Variants in SYDE2 observed in about 807,000 individuals in gnomAD.
The protein encoded by SYDE2 is rho GTPase-activating protein SYDE2.
Under a neutral mutation model 91.5 loss-of-function variants are expected in SYDE2, and 76 were observed. The observed-to-expected ratio is 0.83, with a 90% CI of 0.69 to 1.01. The LOEUF (loss-of-function observed/expected upper bound fraction) is 1.01, where lower values mean the gene tolerates loss of function less well. Ranked by LOEUF, SYDE2 falls within the 50% of genes least tolerant of loss-of-function variation. The pLI, the probability that SYDE2 is intolerant of heterozygous loss-of-function variation, is 0.00. For synonymous variants in SYDE2, 513 were observed against 506.4 expected, an observed-to-expected ratio of 1.01 and a Z score of -0.18; for missense variants, 1,364 against 1,367.7, an observed-to-expected ratio of 1.00 and a Z score of 0.04.
chr1:85,163,407 T>G (rs1015847536), intron 6 of SYDE2, among the ~76,000 whole-genome samples: 2 of 143,882 alleles, frequency 1.4e-5, no homozygotes, highest in Non-Finnish European at 3.0e-5. Context: ...TTTAATTCAC[T>G]TTAAACGATG....
intron 6 of SYDE2, among the ~76,000 whole-genome samples, chr1:85,161,627 G>A (rs1017106331): frequency 6.6e-6 from 1 of 151,512 alleles, no homozygotes; most frequent in African/African-American, 2.4e-5. Context: ...TCAAGAGGCT[G>A]AGGTAGGAGA....
At chr1:85,192,758 C>T (rs538715895) in intron 1 of SYDE2, among the ~76,000 whole-genome samples, 16 of 152,184 alleles carry the variant, frequency 1.1e-4, no homozygotes, top group South Asian at 2.1e-4. Flanking sequence ...ATGGTCAAGT[C>T]GCTAGCCCTA....
chr1:85,191,271 T>TG (rs1658353884), intron 1 of SYDE2, among the ~76,000 whole-genome samples: 1 of 152,142 alleles, frequency 6.6e-6, no homozygotes, highest in South Asian at 2.1e-4. Context: ...CATAACACAA[T>TG]GGCACCTTAT....
chr1:85,197,919 G>T (rs1157730199), intron 1 of SYDE2, among the ~76,000 whole-genome samples: 1 of 152,140 alleles, frequency 6.6e-6, no homozygotes, highest in Non-Finnish European at 1.5e-5. Context: ...CTCCCAAAGT[G>T]CTGGGATTAC....
At chr1:85,166,856 G>A (rs1006423261) in intron 5 of SYDE2, among the ~76,000 whole-genome samples, 4 of 152,150 alleles carry the variant, frequency 2.6e-5, no homozygotes, top group African/African-American at 9.7e-5. Flanking sequence ...GCAAAGGAAT[G>A]CAAATTTTTT....
chr1:85,162,010 G>C (rs981734419), intron 6 of SYDE2, among the ~76,000 whole-genome samples: 3 of 152,110 alleles, frequency 2.0e-5, no homozygotes, highest in African/African-American at 7.2e-5. Flanking sequence ...GAACCCTAGA[G>C]CTTAGTAGAA....
At position 85,158,927 on chromosome 1, in the gene SYDE2, A is replaced by C; in HGVS notation, c.3408T>G (p.Ile1136Met). The change falls in exon 7 of 7, where the codon ATT becomes ATG. Residue 1136 changes from isoleucine to methionine, a missense_variant. Ile to Met is a conservative substitution (Grantham distance 10). Coordinates refer to ENST00000341460, the MANE Select transcript of SYDE2 (RefSeq NM_032184.2). ...YSKMDGPEVM[I>M]EQPIPMSKEC... ...CTTTGGACATGGGAATTGGCTGTTCAATCATTACTTCTGGCCCATCCATTT... is the reference window on the plus strand; with the variant it reads ...CTTTGGACATGGGAATTGGCTGTTCCATCATTACTTCTGGCCCATCCATTT... The C allele has an allele frequency of 1.3e-6, 1 of 780,656 alleles. No homozygotes were observed. Among genetic ancestry groups the C allele is most frequent in the Non-Finnish European group, 2.4e-6 (1 of 417,928 alleles). 48.4% of individuals were successfully genotyped at this position (780,656 alleles called of 1,614,324 possible).
At chr1:85,155,009 CAAAA>C, downstream of SYDE2, among the ~76,000 whole-genome samples, 3 of 80,674 alleles carry the variant, frequency 3.7e-5, no homozygotes, top group Admixed American at 1.2e-4. Flanking sequence ...AAGAATGCAG[CAAAA>C]AAAAAAAAAA....
intron 1 of SYDE2, among the ~76,000 whole-genome samples, chr1:85,197,759 A>T (rs1345374743): frequency 6.6e-6 from 1 of 152,028 alleles, no homozygotes; most frequent in Non-Finnish European, 1.5e-5. Context: ...GGTTCACGCC[A>T]TTCTCCTGCC....
chr1:85,187,025 T>C (rs1658168592), intron 2 of SYDE2, among the ~76,000 whole-genome samples: 1 of 151,620 alleles, frequency 6.6e-6, no homozygotes, highest in African/African-American at 2.4e-5. Context: ...GGGATCTAAT[T>C]AAACTCAAGA....
chr1:85,183,207 A>G lies in SYDE2; in HGVS notation c.1442-7T>C. 6.5e-7 allele frequency: 1 copy of G among 1,528,126 alleles called. No homozygotes were observed. The highest frequency in any genetic ancestry group is 1.3e-5 in the South Asian group (1 of 75,520). The allele number at this position is 1,528,126 out of a possible 1,614,324, so 94.7% of individuals were successfully genotyped here. On this transcript the variant is annotated splice_polypyrimidine_tract_variant and splice_region_variant and intron_variant, in intron 2 of 6. Transcript: ENST00000341460. ...GCAGCCAGGATCCCAGAACCTTAAAAGAAAGAAAGAAAAATACGTTATAAA... is the reference window on the plus strand; with the variant it reads ...GCAGCCAGGATCCCAGAACCTTAAAGGAAAGAAAGAAAAATACGTTATAAA...
Position 85,183,054 on chromosome 1 carries a change from A to G in SYDE2, c.1588T>C (p.Ser530Pro). The G allele has an allele frequency of 6.2e-7, 1 of 1,613,144 alleles. No individual in the cohort carries two copies. Among genetic ancestry groups the G allele is most frequent in the Non-Finnish European group, 8.5e-7 (1 of 1,179,712 alleles). The stretch of plus-strand genomic sequence containing the variant: ...TCTGGCAACTTTTTCATTTTCATGG[A>G]AAGTTTCCTCACAGTTCGTGGAGAT... The part of the protein sequence containing the change: ...IKSPRTVRKL[S>P]MKMKKLPEFS... The change falls in exon 3 of 7, where the codon TCC becomes CCC. Residue 530 changes from serine to proline, a missense_variant. By Grantham distance (74) the Ser-to-Pro change is moderately conservative. Coordinates refer to ENST00000341460, the MANE Select transcript of SYDE2 (RefSeq NM_032184.2).
chr1:85,162,589 G>A (rs1383527831), intron 6 of SYDE2, among the ~76,000 whole-genome samples: 2 of 152,134 alleles, frequency 1.3e-5, no homozygotes, highest in East Asian at 1.9e-4. Flanking sequence ...TTTGGAATAA[G>A]GTGCTGTACA....
intron 5 of SYDE2, among the ~76,000 whole-genome samples, chr1:85,168,050 G>A (rs2100652109): frequency 1.3e-5 from 2 of 152,084 alleles, no homozygotes; most frequent in Middle Eastern, 6.8e-3. Flanking sequence ...TAAAGGTGGA[G>A]GTTGCAGTGA....
At chr1:85,175,543 G>A (rs1417059503) in intron 4 of SYDE2, among the ~76,000 whole-genome samples, 1 of 151,990 alleles carries the variant, frequency 6.6e-6, no homozygotes, top group Non-Finnish European at 1.5e-5. Context: ...TTTTGCACTT[G>A]ATTTAAAAAA....
chr1:85,195,908 C>T (rs913071761), intron 1 of SYDE2, among the ~76,000 whole-genome samples: 1 of 152,166 alleles, frequency 6.6e-6, no homozygotes, highest in Non-Finnish European at 1.5e-5. Context: ...ATCCTCACAG[C>T]AACCTGAGGA....
chr1:85,179,068 C>T (rs926643419), intron 3 of SYDE2, among the ~76,000 whole-genome samples: 2 of 151,982 alleles, frequency 1.3e-5, no homozygotes, highest in African/African-American at 2.4e-5. Context: ...AGAGAAAACA[C>T]GCCTGATTAA....
chr1:85,160,290 A>G, intron 6 of SYDE2: 1 of 936,082 alleles, frequency 1.1e-6, no homozygotes, highest in Non-Finnish European at 1.3e-6. Flanking sequence ...ATAAAAACAT[A>G]TATATGGTTC....
intron 6 of SYDE2, chr1:85,160,909 CTG>C: frequency 2.0e-6 from 2 of 985,096 alleles, no homozygotes; most frequent in Non-Finnish European, 2.4e-6. Flanking sequence ...AACATTGTTT[CTG>C]TGTATTATCT....
Sources: gnomAD v4.1 joint callset for allele counts (sites outside exome capture counted in the v4.1 genomes callset) on GRCh38, gnomAD v4.1.1 for gene constraint, MANE v1.5 for transcripts, NCBI Gene and HGNC (gene_info 2026-07-23, HGNC 2026-07-21) for gene names.